TENM3: variants seen among roughly 807,000 people sequenced by gnomAD.
TENM3 encodes teneurin transmembrane protein 3.
In TENM3, 63 loss-of-function variants were observed where a neutral mutation model predicts 255.1. That is an observed-to-expected ratio of 0.25 (90% confidence interval 0.20 to 0.30). The LOEUF is 0.30. Ranked by LOEUF, TENM3 falls within the 10% of genes least tolerant of loss-of-function variation. TENM3 has a pLI of 1.00. For synonymous variants in TENM3, 1,306 were observed against 1,322.3 expected (o/e 0.99, Z 0.27); for missense variants, 2,929 against 3,461.1 (o/e 0.85, Z 3.86).
intron 3 of TENM3, among the ~76,000 whole-genome samples, chr4:182,415,184 T>C (rs1456463440): frequency 6.6e-6 from 1 of 152,242 alleles, no homozygotes; most frequent in African/African-American, 2.4e-5. Flanking sequence ...CTTGCTTCTT[T>C]AGCTGTGCTT....
the TENM3 span, among the ~76,000 whole-genome samples, chr4:182,057,477 C>T: frequency 1.4e-5 from 2 of 146,244 alleles, no homozygotes; most frequent in South Asian, 2.2e-4. Context: ...GTGGCATGAT[C>T]GTGGCTCACT....
rs1765930195 is a variant in TENM3 at position 182,789,413 on chromosome 4, C to A, written c.5601+24C>A. 1 of 1,593,972 alleles carries A rather than the reference C, an allele frequency of 6.3e-7. No homozygotes were observed. Among genetic ancestry groups the A allele is most frequent in the African/African-American group, 1.3e-5 (1 of 74,482 alleles). On this transcript the variant is annotated intron_variant, in intron 25 of 27. Transcript: ENST00000511685. The surrounding 1 kb of genome is among the most constrained non-coding windows in gnomAD (Gnocchi z 4.4). ...AGGTATGCCTGCAAACTAAGCTCAA[C>A]AATAGGGAAAGGATAATTCACATTT...
At chr4:182,154,440 A>G (rs1377326639) in intron 1 of TENM3, among the ~76,000 whole-genome samples, 3 of 152,130 alleles carry the variant, frequency 2.0e-5, no homozygotes, top group Non-Finnish European at 4.4e-5. Context: ...ATTTTTCTTT[A>G]AAAAGTTAAT....
At chr4:182,626,527 T>A (rs1027521744) in intron 4 of TENM3, among the ~76,000 whole-genome samples, 21 of 152,146 alleles carry the variant, frequency 1.4e-4, no homozygotes, top group Admixed American at 1.2e-3. Flanking sequence ...ATTATGCCCT[T>A]TTTACAGATG....
At chr4:181,770,675 A>G in the TENM3 span, among the ~76,000 whole-genome samples, 1,104 of 8,322 alleles carry the variant, frequency 0.13, 6 homozygotes, top group African/African-American at 0.25. Flanking sequence ...ACTCTGTCTC[A>G]AAAAAAAAAA....
chr4:182,761,291 C>T (rs1264190071), intron 22 of TENM3, among the ~76,000 whole-genome samples: 1 of 152,040 alleles, frequency 6.6e-6, no homozygotes, highest in Non-Finnish European at 1.5e-5. Flanking sequence ...TGGTGGCACT[C>T]ACCTATAATC....
At chr4:182,600,327 TCA>T (rs1747703470) in intron 3 of TENM3, among the ~76,000 whole-genome samples, 1 of 152,218 alleles carries the variant, frequency 6.6e-6, no homozygotes, top group Admixed American at 6.5e-5. Flanking sequence ...AACATCTGCT[TCA>T]CAGAGTGACC....
the TENM3 span, among the ~76,000 whole-genome samples, chr4:182,002,017 C>T: frequency 8.5e-5 from 13 of 152,216 alleles, no homozygotes; most frequent in East Asian, 2.5e-3. Context: ...CTTTAAATGT[C>T]ATTAATGTTT....
At chr4:182,023,867 T>C in the TENM3 span, among the ~76,000 whole-genome samples, 3 of 152,188 alleles carry the variant, frequency 2.0e-5, no homozygotes, top group African/African-American at 7.2e-5. Context: ...ATAAATATGA[T>C]GTATTAATAA....
the TENM3 span, among the ~76,000 whole-genome samples, chr4:181,925,419 G>A: frequency 4.2e-3 from 636 of 152,230 alleles, 18 homozygotes; most frequent in South Asian, 0.059. Context: ...CAATTTATAA[G>A]TAATGTGTGT....
chr4:182,067,121 C>T, the TENM3 span, among the ~76,000 whole-genome samples: 1 of 152,260 alleles, frequency 6.6e-6, no homozygotes, highest in Admixed American at 6.5e-5. Context: ...TTTACATTTG[C>T]TGCCCTTAGG....
the TENM3 span, among the ~76,000 whole-genome samples, chr4:181,553,575 G>T: frequency 6.6e-6 from 1 of 151,818 alleles, no homozygotes; most frequent in Non-Finnish European, 1.5e-5. Flanking sequence ...CCGAGTAGCT[G>T]GGACTACGGG....
chr4:182,793,956 A>T lies in TENM3; in HGVS notation c.7213+71A>T, dbSNP rs1476380283. 1 of 1,385,272 alleles carries T rather than the reference A, an allele frequency of 7.2e-7. No homozygotes were observed. The highest frequency in any genetic ancestry group is 2.4e-5 in the East Asian group (1 of 41,784). 85.8% of individuals were successfully genotyped at this position (1,385,272 alleles called of 1,614,324 possible). A position where few individuals can be genotyped will look rare whatever the true frequency, so the allele number is the denominator to read the frequency against. On this transcript the variant is annotated intron_variant, in intron 26 of 27. Coordinates refer to ENST00000511685, the MANE Select transcript of TENM3 (RefSeq NM_001080477.4). This position sits in a 1 kb window ranked among gnomAD's most constrained non-coding sequence, Gnocchi z 5.7. The stretch of plus-strand genomic sequence containing the variant: ...TAGATTAATACACAAAATAACTGGA[A>T]ATGCTTTTTTAAAAAACTTTATACT...
chr4:182,322,722 C>CAGACAG (rs1219842994), intron 1 of TENM3, among the ~76,000 whole-genome samples: 1 of 152,040 alleles, frequency 6.6e-6, no homozygotes, highest in Non-Finnish European at 1.5e-5. Flanking sequence ...GAGACAGAGA[C>CAGACAG]AGACAGAGAC....
chr4:182,118,606 GA>G, the TENM3 span, among the ~76,000 whole-genome samples: 5 of 16,670 alleles, frequency 3.0e-4, 1 homozygote, highest in Admixed American at 4.6e-4. Context: ...TTTTTTTGTA[GA>G]TTTTTTAAGA....
chr4:181,776,833 C>T, the TENM3 span, among the ~76,000 whole-genome samples: 776 of 152,022 alleles, frequency 5.1e-3, 8 homozygotes, highest in African/African-American at 0.017. Flanking sequence ...ATATTAATCC[C>T]TTTTTGGATG....
chr4:181,699,296 T>A, the TENM3 span, among the ~76,000 whole-genome samples: 3 of 151,224 alleles, frequency 2.0e-5, no homozygotes, highest in Non-Finnish European at 4.4e-5. Flanking sequence ...CCAGGCATGG[T>A]GGTACACATC....
At chr4:181,986,201 C>T in the TENM3 span, among the ~76,000 whole-genome samples, 327 of 152,180 alleles carry the variant, frequency 2.1e-3, 4 homozygotes, top group African/African-American at 7.5e-3. Context: ...CAAGATAAAA[C>T]CAGCAGATTT....
the TENM3 span, among the ~76,000 whole-genome samples, chr4:182,113,890 C>T: frequency 6.6e-6 from 1 of 152,158 alleles, no homozygotes; most frequent in African/African-American, 2.4e-5. Flanking sequence ...CAAATTTCTT[C>T]ACCAGAATAT....
Sources: allele counts gnomAD v4.1 joint callset (sites outside exome capture counted in the v4.1 genomes callset), GRCh38; gene constraint gnomAD v4.1.1; non-coding constraint Gnocchi (gnomAD v3.1); transcripts MANE v1.5; gene names NCBI Gene and HGNC (gene_info 2026-07-23, HGNC 2026-07-21).